Variants in AKR1C8 observed in about 807,000 individuals in gnomAD.
AKR1C8 encodes the protein aldo-keto reductase family 1 member C-like protein 1.
the AKR1C8 span, chr10:5,132,645 G>A: frequency 4.4e-6 from 7 of 1,591,014 alleles, no homozygotes; most frequent in Non-Finnish European, 5.2e-6. Flanking sequence ...ACTGTCATCT[G>A]CAATCTTGCT....
the AKR1C8 span, among the ~76,000 whole-genome samples, chr10:5,171,459 A>T: frequency 0.53 from 79,869 of 151,832 alleles, 22,025 homozygotes; most frequent in Non-Finnish European, 0.6. Flanking sequence ...TCATATAAAT[A>T]TAGCCCAAAG....
At chr10:5,180,268 A>C in the AKR1C8 span, among the ~76,000 whole-genome samples, 1 of 152,198 alleles carries the variant, frequency 6.6e-6, no homozygotes, top group South Asian at 2.1e-4. Flanking sequence ...GGGTATCCGC[A>C]GCAGAGATTG....
the AKR1C8 span, among the ~76,000 whole-genome samples, chr10:5,159,621 A>G: frequency 4.6e-5 from 7 of 152,192 alleles, no homozygotes; most frequent in East Asian, 1.4e-3. Flanking sequence ...CTCCACCTGG[A>G]CCATCCCGAG....
chr10:5,158,290 G>A, the AKR1C8 span, among the ~76,000 whole-genome samples: 1 of 152,166 alleles, frequency 6.6e-6, no homozygotes, highest in Non-Finnish European at 1.5e-5. Context: ...AGGGATGTGG[G>A]TTACAGAGTA....
chr10:5,151,098 T>C, the AKR1C8 span, among the ~76,000 whole-genome samples: 6 of 152,062 alleles, frequency 3.9e-5, no homozygotes, highest in Non-Finnish European at 8.8e-5. Context: ...CTGAGTCAGT[T>C]CATGGGTGGG....
At chr10:5,144,981 CA>C in the AKR1C8 span, among the ~76,000 whole-genome samples, 1 of 151,550 alleles carries the variant, frequency 6.6e-6, no homozygotes, top group African/African-American at 2.4e-5. Context: ...AGTTTTTGCC[CA>C]TTCAGTATGA....
At chr10:5,169,088 G>T in the AKR1C8 span, among the ~76,000 whole-genome samples, 1 of 152,092 alleles carries the variant, frequency 6.6e-6, no homozygotes, top group African/African-American at 2.4e-5. Flanking sequence ...TACAAAAACA[G>T]GTCATAGGTC....
chr10:5,136,923 T>C, the AKR1C8 span, among the ~76,000 whole-genome samples: 1 of 152,186 alleles, frequency 6.6e-6, no homozygotes, highest in African/African-American at 2.4e-5. Context: ...GCATATTTTA[T>C]AGCTATTAAA....
the AKR1C8 span, chr10:5,123,333 G>A: frequency 0.19 from 51,803 of 271,732 alleles, 6,996 homozygotes; most frequent in East Asian, 0.62. Flanking sequence ...ACAGCCCCAC[G>A]CTGCAGCTGG....
the AKR1C8 span, among the ~76,000 whole-genome samples, chr10:5,134,197 A>G: frequency 6.6e-6 from 1 of 152,104 alleles, no homozygotes; most frequent in African/African-American, 2.4e-5. Flanking sequence ...TTTGCTGTGG[A>G]GGCACTCAAG....
the AKR1C8 span, among the ~76,000 whole-genome samples, chr10:5,118,639 C>A: frequency 7.2e-5 from 11 of 151,804 alleles, no homozygotes; most frequent in East Asian, 3.9e-4. Context: ...TATAAGAGGG[C>A]GAGAGAAGCT....
At chr10:5,146,824 A>G in the AKR1C8 span, among the ~76,000 whole-genome samples, 1 of 152,168 alleles carries the variant, frequency 6.6e-6, no homozygotes, top group African/African-American at 2.4e-5. Flanking sequence ...AATGTCTAGA[A>G]GGGTTATCTT....
chr10:5,141,391 C>T, the AKR1C8 span, among the ~76,000 whole-genome samples: 1 of 152,116 alleles, frequency 6.6e-6, no homozygotes, highest in Non-Finnish European at 1.5e-5. Context: ...TTTTTCCAAA[C>T]TTCTATTCAT....
At chr10:5,159,396 A>G in the AKR1C8 span, among the ~76,000 whole-genome samples, 19 of 152,172 alleles carry the variant, frequency 1.2e-4, no homozygotes, top group African/African-American at 2.4e-5. Context: ...CATAAAACCG[A>G]AACTTTCACT....
chr10:5,181,462 A>G, the AKR1C8 span, among the ~76,000 whole-genome samples: 1 of 152,196 alleles, frequency 6.6e-6, no homozygotes, highest in African/African-American at 2.4e-5. Flanking sequence ...AACTTCTAAC[A>G]TATTCGACAG....
At chr10:5,148,234 T>C in the AKR1C8 span, among the ~76,000 whole-genome samples, 1 of 151,456 alleles carries the variant, frequency 6.6e-6, no homozygotes, top group African/African-American at 2.4e-5. Context: ...AGGAGGAACA[T>C]AGGAGATAGA....
chr10:5,140,109 A>G, the AKR1C8 span, among the ~76,000 whole-genome samples: 1 of 152,170 alleles, frequency 6.6e-6, no homozygotes, highest in Admixed American at 6.5e-5. Context: ...ACCATCTCAC[A>G]CCAGTTAGAA....
the AKR1C8 span, among the ~76,000 whole-genome samples, chr10:5,150,533 A>G: frequency 6.6e-6 from 1 of 152,166 alleles, no homozygotes; most frequent in Non-Finnish European, 1.5e-5. Context: ...CTTCCTGTAT[A>G]ATTTTAACAT....
chr10:5,123,778 A>G, the AKR1C8 span: 30,753 of 1,612,952 alleles, frequency 0.019, 391 homozygotes, highest in South Asian at 0.026. Flanking sequence ...GACTTGCAGA[A>G]ATCCAGCAGT....
Sources: allele counts gnomAD v4.1 joint callset (sites outside exome capture counted in the v4.1 genomes callset), GRCh38; gene constraint gnomAD v4.1.1; transcripts MANE v1.5; gene names NCBI Gene and HGNC (gene_info 2026-07-23, HGNC 2026-07-21).